PRAMEF2: variants seen among roughly 807,000 people sequenced by gnomAD.
PRAMEF2 encodes the protein PRAME family member 2.
PRAMEF2 carries 35 observed loss-of-function variants against 38.0 expected under a neutral mutation model. The ratio of observed to expected loss-of-function variants is 0.92; its 90% confidence interval spans 0.70 to 1.22. The LOEUF is 1.22. PRAMEF2 is among the 50% of genes most tolerant of loss of function. The probability of loss-of-function intolerance (pLI) is 0.00; values close to 1 mark genes in which losing one functional copy is unlikely to be tolerated. For synonymous variants in PRAMEF2, 240 were observed against 232.4 expected, an observed-to-expected ratio of 1.03 and a Z score of -0.30; for missense variants, 562 against 553.9, an observed-to-expected ratio of 1.01 and a Z score of -0.15.
intron 3 of PRAMEF2, among the ~76,000 whole-genome samples, chr1:12,860,924 C>T (rs1423723553): frequency 6.7e-6 from 1 of 149,178 alleles, no homozygotes; most frequent in Admixed American, 6.9e-5. Flanking sequence ...ACATCTCCCA[C>T]GGGGTACCTG....
Position 12,861,410 on chromosome 1 carries a change from G to A in PRAMEF2, c.1056G>A (p.Glu352=), listed in dbSNP as rs151184374. Reference sequence around the variant, plus strand: ...TAGAGAAAATTGCTGCCTCTCTCGAGACCCTCGTGTTAGAGGGCTGTCAGA... The same window carrying A: ...TAGAGAAAATTGCTGCCTCTCTCGAAACCCTCGTGTTAGAGGGCTGTCAGA... ...ALLEKIAASL[E]TLVLEGCQIH... Residue 352 remains glutamate (E), a synonymous_variant, in exon 4 of 4, where the codon GAG becomes GAA. Transcript: ENST00000240189. 421 of 1,597,968 alleles carry A rather than the reference G, an allele frequency of 2.6e-4. 33 individuals carry two copies. In the African/African-American group the frequency reaches 4.1e-3, roughly 16 times the overall value.
At chr1:12,858,845 G>A in intron 1 of PRAMEF2, 140 bp from the exon 2 acceptor site, 1 of 988,902 alleles carries the variant, frequency 1.0e-6, no homozygotes, top group Non-Finnish European at 1.5e-6. Flanking sequence ...GTATAGATTT[G>A]AGGCCAACAA....
At chr1:12,857,935 G>C (rs1375945344) in intron 1 of PRAMEF2, among the ~76,000 whole-genome samples, 2 of 146,566 alleles carry the variant, frequency 1.4e-5, no homozygotes, top group Non-Finnish European at 3.0e-5. Flanking sequence ...CTGACCTCAG[G>C]AGATCTGCCC....
In PRAMEF2 at chr1:12,861,572, G is replaced by C. The variant is rs564683407; in HGVS notation, c.1218G>C (p.Lys406Asn). The stretch of plus-strand genomic sequence containing the variant: ...TGCGCCACACCAGTGGGCTGAGCAA[G>C]TTAAGCCTGGAGACGTATCCTGCCC... ...DLLRHTSGLS[K>N]LSLETYPAPE... The change falls in exon 4 of 4, where the codon AAG becomes AAC. Residue 406 changes from lysine to asparagine, a missense_variant. Physicochemically the swap from Lys to Asn is moderately conservative, Grantham distance 94. Around this residue, in one of 2 missense-constraint regions of PRAMEF2, gnomAD observed 76 missense variants for 109.6 expected, o/e 0.69. Coordinates refer to ENST00000240189, the MANE Select transcript of PRAMEF2 (RefSeq NM_023014.1). The C allele has an allele frequency of 3.8e-5, 61 of 1,604,998 alleles. No homozygotes were observed. In the South Asian group the frequency reaches 4.3e-4, roughly 11 times the overall value.
chr1:12,860,634 G>A (rs199604441), intron 3 of PRAMEF2, among the ~76,000 whole-genome samples: 5 of 150,002 alleles, frequency 3.3e-5, no homozygotes, highest in South Asian at 2.1e-4. Context: ...GAGGGAAAGC[G>A]CATCAAACCT....
Position 12,861,307 on chromosome 1 carries a change from G to A in PRAMEF2, c.953G>A (p.Ser318Asn). 3.1e-6 allele frequency: 5 copies of A among 1,607,138 alleles called. No homozygotes were observed. The highest frequency in any genetic ancestry group is 3.4e-6 in the Non-Finnish European group (4 of 1,176,720). ...TTGAAGTGTCTCTCCCAGTTCCCAA[G>A]CCTCGGTTACCTAAAGCATCTGAAT... ...EDLKCLSQFP[S>N]LGYLKHLNLS... The change falls in exon 4 of 4, where the codon AGC becomes AAC. Residue 318 changes from serine (S) to asparagine (N), a missense_variant. By Grantham distance (46) the Ser-to-Asn change is conservative. Around this residue, in one of 2 missense-constraint regions of PRAMEF2, gnomAD observed 486 missense variants for 444.2 expected, o/e 1.09. Coordinates refer to ENST00000240189, the MANE Select transcript of PRAMEF2 (RefSeq NM_023014.1).
At position 12,861,722 on chromosome 1, in the gene PRAMEF2, C is replaced by T. The variant is rs1197955401; in HGVS notation, c.1368C>T (p.Pro456=). 1.9e-6 allele frequency: 3 copies of T among 1,590,282 alleles called. 1 individual carries two copies. Among genetic ancestry groups the T allele is most frequent in the Admixed American group, 3.5e-5 (2 of 56,552 alleles). ...QPKRIFIGPT[P]CPSCGSSPSE... The stretch of plus-strand genomic sequence containing the variant: ...AGAGGATCTTCATTGGCCCCACCCC[C>T]TGCCCTTCCTGTGGCTCATCACCGT... The change falls in exon 4 of 4, where the codon CCC becomes CCT. Residue 456 remains proline, a synonymous_variant. Coordinates refer to ENST00000240189, the MANE Select transcript of PRAMEF2 (RefSeq NM_023014.1).
At position 12,861,649 on chromosome 1, in the gene PRAMEF2, C is replaced by A; in HGVS notation, c.1295C>A (p.Pro432Gln). 1 of 1,598,880 alleles carries A rather than the reference C, an allele frequency of 6.3e-7. No individual in the cohort carries two copies. The highest frequency in any genetic ancestry group is 8.5e-7 in the Non-Finnish European group (1 of 1,173,318). Residue 432 changes from proline (P) to glutamine (Q), a missense_variant, in exon 4 of 4, where the codon CCA becomes CAA. Physicochemically the swap from Pro to Gln is moderately conservative, Grantham distance 76. Coordinates refer to ENST00000240189, the MANE Select transcript of PRAMEF2 (RefSeq NM_023014.1). ...LVRVNWEIFT[P>Q]LRAELMCTLR... The stretch of plus-strand genomic sequence containing the variant: ...CGTGTCAATTGGGAGATCTTCACCC[C>A]ACTTCGGGCTGAGCTGATGTGTACA...
Position 12,859,724 on chromosome 1 carries a change from G to T in PRAMEF2, c.319G>T (p.Asp107Tyr), listed in dbSNP as rs769899576. ...RWKLQVLDLR[D>Y]VDENFWARWP... ...GAAACTTCAAGTGCTGGATTTGCGG[G>T]ATGTTGATGAGAATTTCTGGGCCAG... The change falls in exon 3 of 4, where the codon GAT becomes TAT. Residue 107 changes from aspartate (D) to tyrosine (Y), a missense_variant. Around this residue, in one of 2 missense-constraint regions of PRAMEF2, gnomAD observed 486 missense variants for 444.2 expected, o/e 1.09. Coordinates refer to ENST00000240189, the MANE Select transcript of PRAMEF2 (RefSeq NM_023014.1). 1.1e-4 allele frequency: 181 copies of T among 1,606,560 alleles called. 5 individuals are homozygous for T. The highest frequency in any genetic ancestry group is 1.5e-4 in the Non-Finnish European group (177 of 1,177,426).
intron 2 of PRAMEF2, 24 bp from the exon 3 acceptor site, chr1:12,859,669 G>A (rs745976718): frequency 5.0e-6 from 8 of 1,605,610 alleles, no homozygotes; most frequent in Non-Finnish European, 2.6e-6. Context: ...TAAATTCTGA[G>A]CCTCTCCCTT....
At chr1:12,859,595 C>T (rs1252991904) in intron 2 of PRAMEF2, 98 bp from the exon 3 acceptor site, 10 of 1,555,756 alleles carry the variant, frequency 6.4e-6, no homozygotes, top group Non-Finnish European at 8.8e-6. Context: ...ACAGGGAGCA[C>T]TGAGGACAGG....
intron 2 of PRAMEF2, 114 bp from the exon 3 acceptor site, chr1:12,859,579 A>G (rs2142750): frequency 0.03 from 44,371 of 1,498,856 alleles, 834 homozygotes; most frequent in East Asian, 0.052. Context: ...AGAAAAGACA[A>G]AGAGAACAGG....
chr1:12,860,626 G>C (rs543025394), intron 3 of PRAMEF2, among the ~76,000 whole-genome samples: 7 of 150,114 alleles, frequency 4.7e-5, no homozygotes, highest in African/African-American at 1.5e-4. Context: ...TATGAAAGGA[G>C]GGAAAGCGCA....
intron 1 of PRAMEF2, among the ~76,000 whole-genome samples, chr1:12,858,033 T>G (rs2100387206): frequency 6.7e-6 from 1 of 148,156 alleles, no homozygotes; most frequent in Middle Eastern, 3.4e-3. Flanking sequence ...TTCCAAATGC[T>G]GTGGAATACC....
At chr1:12,858,575 A>C (rs1462403441) in intron 1 of PRAMEF2, among the ~76,000 whole-genome samples, 1 of 149,984 alleles carries the variant, frequency 6.7e-6, no homozygotes, top group African/African-American at 2.4e-5. Flanking sequence ...GTGTTCCCCC[A>C]GCATGTTCAT....
In PRAMEF2 at chr1:12,858,984, G is replaced by A; in HGVS notation, c.-25-1G>A. On this transcript the variant is annotated splice_acceptor_variant, in intron 1 of 3. Coordinates refer to ENST00000240189, the MANE Select transcript of PRAMEF2 (RefSeq NM_023014.1). LOFTEE classifies it low-confidence loss of function (5UTR_SPLICE). ...ACATTCTCCCTGGATTTGTCTTCTAGAGATTTTTCTTGCAGATCCATCAGG... is the reference window on the plus strand; with the variant it reads ...ACATTCTCCCTGGATTTGTCTTCTAAAGATTTTTCTTGCAGATCCATCAGG... 1 of 1,596,130 alleles carries A rather than the reference G, an allele frequency of 6.3e-7. No individual in the cohort carries two copies. Among genetic ancestry groups the A allele is most frequent in the Non-Finnish European group, 8.5e-7 (1 of 1,173,524 alleles).
intron 2 of PRAMEF2, 62 bp downstream of exon 2, chr1:12,859,358 T>A: frequency 6.2e-7 from 1 of 1,604,854 alleles, no homozygotes; most frequent in Non-Finnish European, 8.5e-7. Flanking sequence ...AACAGCAGGG[T>A]CAGGCAGAGA....
chr1:12,861,421 T>A lies in PRAMEF2; in HGVS notation c.1067T>A (p.Leu356Ter). The A allele has an allele frequency of 6.2e-7, 1 of 1,602,354 alleles. No homozygotes were observed. The highest frequency in any genetic ancestry group is 8.5e-7 in the Non-Finnish European group (1 of 1,174,528). The part of the protein sequence containing the change: ...KIAASLETLV[L>*]EGCQIHYSQL... ...GCTGCCTCTCTCGAGACCCTCGTGT[T>A]AGAGGGCTGTCAGATCCACTACTCC... is the stretch of plus-strand genomic sequence containing the variant. The change falls in exon 4 of 4, where the codon TTA becomes TAA. Residue 356 changes from leucine to a stop codon, truncating the protein, a stop_gained. Coordinates refer to ENST00000240189, the MANE Select transcript of PRAMEF2 (RefSeq NM_023014.1). LOFTEE classifies it high-confidence loss of function.
rs770628453 is a variant in PRAMEF2 at position 12,859,201 on chromosome 1, C to G, written c.192C>G (p.Leu64=). 19 of 1,609,764 alleles carry G rather than the reference C, an allele frequency of 1.2e-5. 1 individual carries two copies. The highest frequency in any genetic ancestry group is 1.5e-5 in the Non-Finnish European group (18 of 1,178,280). ...VMVQAWPFTC[L]PLVSLMKTLH... Reference sequence around the variant, plus strand: ...TGCAGGCCTGGCCTTTCACCTGCCTCCCTCTGGTATCGCTGATGAAGACGC... The same window carrying G: ...TGCAGGCCTGGCCTTTCACCTGCCTGCCTCTGGTATCGCTGATGAAGACGC... Residue 64 remains leucine, a synonymous_variant, in exon 2 of 4, where the codon CTC becomes CTG. Coordinates refer to ENST00000240189, the MANE Select transcript of PRAMEF2 (RefSeq NM_023014.1).
Sources: allele counts gnomAD v4.1 joint callset (sites outside exome capture counted in the v4.1 genomes callset), GRCh38; gene constraint gnomAD v4.1.1; regional missense constraint gnomAD v4.1.1; transcripts MANE v1.5; gene names NCBI Gene and HGNC (gene_info 2026-07-23, HGNC 2026-07-21).